PGK1: variants seen among roughly 807,000 people sequenced by gnomAD.
PGK1 encodes phosphoglycerate kinase 1, also known as PRP 2.
In PGK1, 3 loss-of-function variants were observed where a neutral mutation model predicts 26.9. The ratio of observed to expected loss-of-function variants is 0.11; its 90% CI spans 0.05 to 0.29. The LOEUF (loss-of-function observed/expected upper bound fraction) is 0.29. Among genes scored for constraint, PGK1 ranks in the 10% least tolerant of loss-of-function variants. The pLI, the probability that PGK1 is intolerant of heterozygous loss-of-function variation, is 1.00. For synonymous variants in PGK1, 125 were observed against 115.3 expected (o/e 1.08, Z -0.54); for missense variants, 270 against 314.7 (o/e 0.86, Z 1.07).
At chrX:78,116,895 C>T (rs1337871861) in intron 4 of PGK1, among the ~76,000 whole-genome samples, 2 of 111,604 alleles carry the variant, frequency 1.8e-5, no homozygotes, top group East Asian at 5.6e-4. Context: ...GCCCCTTGCA[C>T]TTCGCAGAAA....
At position 78,114,069 on chromosome X, in the gene PGK1, C is replaced by T. The variant is rs1161966279; in HGVS notation, c.326C>T (p.Ala109Val). Reference protein sequence around the residue: ...CVGPEVEKACANPAAGSVILL... With the variant: ...CVGPEVEKACVNPAAGSVILL... ...GGCCCAGAAGTGGAGAAAGCCTGTG[C>T]CAACCCAGCTGCTGGGTCTGTCATC... Residue 109 changes from alanine to valine, a missense_variant, in exon 4 of 11, where the codon GCC becomes GTC. Physicochemically the swap from Ala to Val is moderately conservative, Grantham distance 64 (BLOSUM62 0). Around this residue, in one of 3 missense-constraint regions of PGK1, gnomAD observed 150 missense variants for 154.6 expected, o/e 0.97. Coordinates refer to ENST00000373316, the MANE Select transcript of PGK1 (RefSeq NM_000291.4). 8.3e-7 allele frequency: 1 copy of T among 1,209,363 alleles called. No individual in the cohort carries two copies. Among genetic ancestry groups the T allele is most frequent in the Non-Finnish European group, 1.1e-6 (1 of 893,408 alleles).
At position 78,122,876 on chromosome X, in the gene PGK1, T is replaced by C; in HGVS notation, c.683T>C (p.Leu228Pro). 1 of 1,203,712 alleles carries C rather than the reference T, an allele frequency of 8.3e-7. No homozygotes were observed. Among genetic ancestry groups the C allele is most frequent in the Non-Finnish European group, 1.1e-6 (1 of 888,919 alleles). ...AAGATCCAGCTCATCAATAATATGC[T>C]GGACAAAGTCAATGAGATGATTATT... ...ADKIQLINNM[L>P]DKVNEMIIGG... The change falls in exon 7 of 11, where the codon CTG becomes CCG. Residue 228 changes from leucine to proline, a missense_variant. Leu to Pro is a moderately conservative substitution (Grantham distance 98). Transcript: ENST00000373316.
rs1338267228 is a variant in PGK1 at position 78,129,114 on chromosome X, T to C, written c.*3284T>C. The C allele has an allele frequency of 9.0e-6, 1 of 111,008 alleles. No homozygotes were observed. The highest frequency in any genetic ancestry group is 1.9e-5 in the Non-Finnish European group (1 of 53,037). The allele number at this position is 111,008 out of a possible 1,213,427, so 9.1% of individuals were successfully genotyped here. A position where few individuals can be genotyped will look rare whatever the true frequency, so the allele number is the denominator to read the frequency against. ...TACTCGGGAGGCTGAGGCAGGAGAA[T>C]GGCGTGAACCTGGGAAGCGGAGCTC... On this transcript the variant is annotated 3_prime_UTR_variant, in exon 11 of 11. Coordinates refer to ENST00000373316, the MANE Select transcript of PGK1 (RefSeq NM_000291.4).
In PGK1 at chrX:78,128,312, A is replaced by G. The variant is rs2935001; in HGVS notation, c.*2482A>G. ...TGTAATCCCAGGACTTTGGGAGGCC[A>G]AGGCGGGCAGATCACCTGTCAGGAG... On this transcript the variant is annotated 3_prime_UTR_variant, in exon 11 of 11. Transcript: ENST00000373316. 0.28 allele frequency: 30,946 copies of G among 112,474 alleles called. 3,233 individuals are homozygous for G. The highest frequency in any genetic ancestry group is 0.38 in the East Asian group (1,361 of 3,551). The allele number at this position is 112,474 out of a possible 1,213,427, so 9.3% of individuals were successfully genotyped here. A position where few individuals can be genotyped will look rare whatever the true frequency, so the allele number is the denominator to read the frequency against.
chrX:78,107,924 T>C (rs2078279518), intron 1 of PGK1, among the ~76,000 whole-genome samples: 1 of 109,079 alleles, frequency 9.2e-6, no homozygotes, highest in South Asian at 4.0e-4. Flanking sequence ...TAACTGACTT[T>C]GTGCCTGAAG....
In PGK1 at chrX:78,117,958, A is replaced by G. The variant is rs782039644; in HGVS notation, c.522-93A>G. ...AAACCATGATTTCTTGCAGTCCAGAAGTAGAAATATTTTAGTGATAAGGAG... is the reference window on the plus strand; with the variant it reads ...AAACCATGATTTCTTGCAGTCCAGAGGTAGAAATATTTTAGTGATAAGGAG... On this transcript the variant is annotated intron_variant, in intron 5 of 10. Coordinates refer to ENST00000373316, the MANE Select transcript of PGK1 (RefSeq NM_000291.4). 3.9e-5 allele frequency: 34 copies of G among 866,887 alleles called. No individual in the cohort carries two copies. In the African/African-American group the frequency reaches 4.6e-4, roughly 12 times the overall value. The allele number at this position is 866,887 out of a possible 1,213,427, so 71.4% of individuals were successfully genotyped here.
intron 2 of PGK1, among the ~76,000 whole-genome samples, chrX:78,111,531 G>C (rs1304044059): frequency 1.3e-5 from 1 of 78,333 alleles, no homozygotes; most frequent in Non-Finnish European, 2.1e-5. Flanking sequence ...TTCAAGATCT[G>C]GCATGTGTTT....
At chrX:78,120,003 T>G (rs782328460) in intron 6 of PGK1, among the ~76,000 whole-genome samples, 4 of 111,502 alleles carry the variant, frequency 3.6e-5, no homozygotes, top group Non-Finnish European at 5.6e-5. Context: ...CAACTTTCTG[T>G]AGACCTGGAA....
At chrX:78,125,728 A>T (rs1228808381) in intron 10 of PGK1, 62 bp from the exon 11 acceptor site, 1 of 957,335 alleles carries the variant, frequency 1.0e-6, no homozygotes, top group African/African-American at 1.9e-5. Context: ...AAAGTGGGGG[A>T]AATCTGGCTT....
In PGK1 at chrX:78,109,716, T is replaced by C. The variant is rs1029238371; in HGVS notation, c.66-151T>C. On this transcript the variant is annotated intron_variant, in intron 1 of 10. Transcript: ENST00000373316. ...GTCACCACTCCCGCCATCCTCCCCA[T>C]GACTAACCACTATTTTGACTTTTAA... 78 of 495,756 alleles carry C rather than the reference T, an allele frequency of 1.6e-4. No individual in the cohort carries two copies. The African/African-American group carries it at 1.6e-3, about 10-fold the overall frequency. 40.9% of individuals were successfully genotyped at this position (495,756 alleles called of 1,213,427 possible). A position where few individuals can be genotyped will look rare whatever the true frequency, so the allele number is the denominator to read the frequency against.
In PGK1 at chrX:78,118,064, G is replaced by C. The variant is rs1557247639; in HGVS notation, c.535G>C (p.Val179Leu). 1.7e-6 allele frequency: 2 copies of C among 1,206,868 alleles called. No homozygotes were observed. Among genetic ancestry groups the C allele is most frequent in the Non-Finnish European group, 2.2e-6 (2 of 892,120 alleles). The change falls in exon 6 of 11, where the codon GTC (valine) becomes CTC (leucine). Residue 179 changes from valine to leucine, a missense_variant. Physicochemically the swap from Val to Leu is conservative, Grantham distance 32. Transcript: ENST00000373316. Reference protein sequence around the residue: ...AHRAHSSMVGVNLPQKAGGFL... With the variant: ...AHRAHSSMVGLNLPQKAGGFL... ...GATCTTTTCTAGCTCCATGGTAGGA[G>C]TCAATCTGCCACAGAAGGCTGGTGG...
intron 2 of PGK1, 93 bp from the exon 3 acceptor site, chrX:78,113,651 G>T: frequency 4.9e-6 from 4 of 808,458 alleles, no homozygotes; most frequent in East Asian, 3.3e-5. Context: ...GAGAAGAAAA[G>T]GAGCTTTATG....
Position 78,125,901 on chromosome X carries a change from C to T in PGK1, c.*71C>T. 2 of 875,517 alleles carry T rather than the reference C, an allele frequency of 2.3e-6. No individual in the cohort carries two copies. Among genetic ancestry groups the T allele is most frequent in the Non-Finnish European group, 3.4e-6 (2 of 589,088 alleles). The allele number at this position is 875,517 out of a possible 1,213,427, so 72.2% of individuals were successfully genotyped here. ...TAGCATTTTCTGCATCTCCACTTGG[C>T]ATTAGCTAAAACCTTCCATGTCAAG... On this transcript the variant is annotated 3_prime_UTR_variant, in exon 11 of 11. Transcript: ENST00000373316.
chrX:78,106,066 CCTCT>C (rs1282719785), intron 1 of PGK1, among the ~76,000 whole-genome samples: 1 of 111,842 alleles, frequency 8.9e-6, no homozygotes, highest in Non-Finnish European at 1.9e-5. Context: ...GGCTTTATTT[CCTCT>C]CTCTCTAGGG....
chrX:78,119,371 G>A (rs2078342481), intron 6 of PGK1, among the ~76,000 whole-genome samples: 2 of 111,885 alleles, frequency 1.8e-5, no homozygotes, highest in African/African-American at 6.5e-5. Context: ...AGGTGAGAGA[G>A]CTAGCACTGC....
chrX:78,105,710 G>C (rs17139581), intron 1 of PGK1, among the ~76,000 whole-genome samples: 4,402 of 111,504 alleles, frequency 0.039, 132 homozygotes, highest in African/African-American at 0.1. Context: ...GGTAACCGCT[G>C]CCCTGCTGTG....
chrX:78,111,826 TG>T (rs1430919866), intron 2 of PGK1, among the ~76,000 whole-genome samples: 1 of 111,873 alleles, frequency 8.9e-6, no homozygotes, highest in African/African-American at 3.3e-5. Context: ...TAAAGAAACA[TG>T]TTTGGAAATC....
chrX:78,125,756 T>G (rs1277750603), intron 10 of PGK1, 34 bp from the exon 11 acceptor site: 2 of 1,142,352 alleles, frequency 1.8e-6, no homozygotes, highest in African/African-American at 1.8e-5. Flanking sequence ...CCTATAGTAA[T>G]GCTGTCTATG....
intron 6 of PGK1, among the ~76,000 whole-genome samples, chrX:78,119,900 G>T (rs1243926506): frequency 1.8e-5 from 2 of 112,071 alleles, no homozygotes; most frequent in African/African-American, 6.5e-5. Flanking sequence ...GGCTTTATGA[G>T]CCCAGTTTCA....
Sources: allele counts gnomAD v4.1 joint callset (sites outside exome capture counted in the v4.1 genomes callset), GRCh38; gene constraint gnomAD v4.1.1; regional missense constraint gnomAD v4.1.1; transcripts MANE v1.5; gene names NCBI Gene and HGNC (gene_info 2026-07-23, HGNC 2026-07-21).